Variants in FBXO11 observed in about 807,000 individuals in gnomAD.
FBXO11 encodes the protein F-box protein 11, also known as F-box only protein 11.
In FBXO11, 13 loss-of-function variants were observed where a neutral mutation model predicts 117.0. The observed-to-expected ratio is 0.11, with a 90% CI of 0.07 to 0.18. The LOEUF is 0.18. Ranked by LOEUF, FBXO11 falls within the 10% of genes least tolerant of loss-of-function variation. The pLI is 1.00. For missense variants in FBXO11, 767 were observed against 1,164.4 expected (o/e 0.66, Z 4.97); for synonymous variants, 490 against 380.5 (o/e 1.29, Z -3.35).
intron 1 of FBXO11, among the ~76,000 whole-genome samples, chr2:47,872,234 C>T (rs547376824): frequency 6.6e-6 from 1 of 152,278 alleles, no homozygotes; most frequent in Non-Finnish European, 1.5e-5. Flanking sequence ...TAGTGTAGAG[C>T]TGCAGTTCTT....
rs374388457 is a variant in FBXO11, at chr2:47,864,588, A to T, written c.233-24819T>A. 6.6e-5 allele frequency among the ~76,000 whole-genome samples: 10 copies of T among 152,334 alleles called. No individual in the cohort carries two copies. The East Asian group carries it at 1.2e-3, about 18-fold the overall frequency. On this transcript the variant is annotated intron_variant, in intron 1 of 22. Transcript: ENST00000403359. ...GACGACAAGAGTAAAACTCCATCTC[A>T]CAAAAAAGACAAAAATAAACAAGAA...
intron 1 of FBXO11, among the ~76,000 whole-genome samples, chr2:47,885,693 A>G (rs1480708569): frequency 6.6e-6 from 1 of 152,250 alleles, no homozygotes; most frequent in Non-Finnish European, 1.5e-5. Flanking sequence ...GTGGTAGAGT[A>G]AAGCCTTGAA....
chr2:47,822,160 C>G, intron 13 of FBXO11, 58 bp downstream of exon 13: 1 of 1,133,096 alleles, frequency 8.8e-7, no homozygotes, highest in South Asian at 1.4e-5. Context: ...CATCATTTTG[C>G]TAATATCAAG....
At chr2:47,813,960 G>A (rs902030122) in intron 16 of FBXO11, 93 bp from the exon 17 acceptor site, 25 of 940,436 alleles carry the variant, frequency 2.7e-5, no homozygotes, top group Non-Finnish European at 3.9e-5. Flanking sequence ...ATCCACATAA[G>A]TCACTTAGTA....
At chr2:47,834,121 G>A (rs923610444) in intron 7 of FBXO11, among the ~76,000 whole-genome samples, 2 of 152,210 alleles carry the variant, frequency 1.3e-5, no homozygotes, top group Non-Finnish European at 2.9e-5. Context: ...AGGCCGAGAT[G>A]GGCAAATCAC....
intron 1 of FBXO11, among the ~76,000 whole-genome samples, chr2:47,873,093 C>T (rs975739388): frequency 3.3e-5 from 5 of 152,246 alleles, no homozygotes; most frequent in Admixed American, 3.3e-4. Flanking sequence ...ACTGGTAAGT[C>T]TATGGATTTA....
chr2:47,900,112 T>A (rs1050263638), intron 1 of FBXO11, among the ~76,000 whole-genome samples: 4 of 152,104 alleles, frequency 2.6e-5, no homozygotes, highest in African/African-American at 9.7e-5. Flanking sequence ...TAAGAGCTCT[T>A]AGGCCTTATC....
rs773423989 is a variant in FBXO11 at position 47,839,609 on chromosome 2, T to C, written c.360+33A>G. On this transcript the variant is annotated intron_variant, in intron 2 of 22. Transcript: ENST00000403359. ...TTTTGTTTCTTGAAAATTCTTTCATTACAAAAAGAAAAGCAACTACAGTTA... is the reference window on the plus strand; with the variant it reads ...TTTTGTTTCTTGAAAATTCTTTCATCACAAAAAGAAAAGCAACTACAGTTA... 5 of 1,606,254 alleles carry C rather than the reference T, an allele frequency of 3.1e-6. No individual in the cohort carries two copies. In the South Asian group the frequency reaches 5.6e-5, roughly 18 times the overall value.
chr2:47,822,800 G>C (rs1292721252), intron 12 of FBXO11, among the ~76,000 whole-genome samples: 1 of 152,028 alleles, frequency 6.6e-6, no homozygotes, highest in Non-Finnish European at 1.5e-5. Flanking sequence ...GCTAACTTCA[G>C]AAAAAAGAAG....
intron 1 of FBXO11, among the ~76,000 whole-genome samples, chr2:47,887,520 G>A (rs1195966116): frequency 6.6e-6 from 1 of 151,962 alleles, no homozygotes; most frequent in Non-Finnish European, 1.5e-5. Flanking sequence ...TTAAGGTGAA[G>A]AGTTCAAGAC....
chr2:47,868,282 C>T (rs1053121373), intron 1 of FBXO11, among the ~76,000 whole-genome samples: 2 of 80,550 alleles, frequency 2.5e-5, no homozygotes, highest in African/African-American at 1.0e-4. Context: ...ACTCTACCTC[C>T]AAAAAAAAAA....
chr2:47,819,782 G>C (rs1216427123), intron 14 of FBXO11, among the ~76,000 whole-genome samples: 1 of 152,058 alleles, frequency 6.6e-6, no homozygotes, highest in Non-Finnish European at 1.5e-5. Context: ...ACTTTTAGCA[G>C]GTAACTGAGG....
At chr2:47,860,762 G>C in intron 1 of FBXO11, among the ~76,000 whole-genome samples, 1 of 147,638 alleles carries the variant, frequency 6.8e-6, no homozygotes, top group Admixed American at 6.8e-5. Context: ...GAGAGAGAGA[G>C]AAAGAAAGTC....
chr2:47,878,840 G>A (rs540549781), intron 1 of FBXO11, among the ~76,000 whole-genome samples: 19 of 151,920 alleles, frequency 1.3e-4, no homozygotes, highest in Non-Finnish European at 2.6e-4. Context: ...AATTAGCCTG[G>A]CGTGGTGGGA....
At chr2:47,854,816 T>C (rs1674150326) in intron 1 of FBXO11, among the ~76,000 whole-genome samples, 1 of 151,932 alleles carries the variant, frequency 6.6e-6, no homozygotes, top group African/African-American at 2.4e-5. Context: ...AGAAAAGTCT[T>C]TGAATGCCAA....
chr2:47,886,658 G>C (rs1676875990), intron 1 of FBXO11, among the ~76,000 whole-genome samples: 1 of 151,994 alleles, frequency 6.6e-6, no homozygotes, highest in African/African-American at 2.4e-5. Flanking sequence ...TTCATGTAAG[G>C]GGACTACTCT....
intron 1 of FBXO11, among the ~76,000 whole-genome samples, chr2:47,902,497 C>T (rs1281087318): frequency 6.6e-6 from 1 of 152,046 alleles, no homozygotes; most frequent in Non-Finnish European, 1.5e-5. Context: ...CTGGCCATTA[C>T]AGATAAGACA....
At chr2:47,902,468 T>C (rs1184674699) in intron 1 of FBXO11, among the ~76,000 whole-genome samples, 1 of 152,134 alleles carries the variant, frequency 6.6e-6, no homozygotes, top group Admixed American at 6.5e-5. Flanking sequence ...TAGGGTCTAG[T>C]TTCTTTCTTC....
intron 1 of FBXO11, among the ~76,000 whole-genome samples, chr2:47,878,985 A>C (rs183996973): frequency 7.1e-6 from 1 of 141,764 alleles, no homozygotes; most frequent in Non-Finnish European, 1.6e-5. Flanking sequence ...CAAAACAAAA[A>C]AGCCTCCCTC....
Sources: allele counts gnomAD v4.1 joint callset (sites outside exome capture counted in the v4.1 genomes callset), GRCh38; gene constraint gnomAD v4.1.1; transcripts MANE v1.5; gene names NCBI Gene and HGNC (gene_info 2026-07-23, HGNC 2026-07-21).